Variants in FAM110B observed in about 807,000 individuals in gnomAD.
FAM110B encodes the protein protein FAM110B.
Under a neutral mutation model 20.4 loss-of-function variants are expected in FAM110B, and 6 were observed. The ratio of observed to expected loss-of-function variants is 0.29; its 90% CI spans 0.16 to 0.58. FAM110B has a LOEUF of 0.58. Among genes scored for constraint, FAM110B ranks in the 20% least tolerant of loss-of-function variants. The pLI is 0.90. For synonymous variants in FAM110B, 226 were observed against 214.1 expected (o/e 1.06, Z -0.49); for missense variants, 434 against 498.2 (o/e 0.87, Z 1.23).
chr8:58,021,972 G>T (rs963114113), intron 1 of FAM110B, among the ~76,000 whole-genome samples: 1 of 152,106 alleles, frequency 6.6e-6, no homozygotes, highest in African/African-American at 2.4e-5. Flanking sequence ...CATTCCACTT[G>T]CTGGGGAGCC....
At chr8:58,008,490 T>C (rs1423234563) in intron 1 of FAM110B, among the ~76,000 whole-genome samples, 3 of 152,202 alleles carry the variant, frequency 2.0e-5, no homozygotes, top group Non-Finnish European at 4.4e-5. Flanking sequence ...ATTCATGGTG[T>C]ACAGCTTGGT....
chr8:58,028,918 C>T (rs767661769), intron 1 of FAM110B, among the ~76,000 whole-genome samples: 8 of 152,216 alleles, frequency 5.3e-5, no homozygotes, highest in Non-Finnish European at 1.2e-4. Context: ...CAGTTACACT[C>T]TCATCCCATG....
intron 3 of FAM110B, among the ~76,000 whole-genome samples, chr8:58,116,671 A>G (rs1807221582): frequency 6.6e-6 from 1 of 152,338 alleles, no homozygotes; most frequent in East Asian, 1.9e-4. Context: ...GAATAAGCCT[A>G]TTTTGAAGTT....
chr8:58,003,245 G>A (rs879476182), intron 1 of FAM110B, among the ~76,000 whole-genome samples: 92 of 152,108 alleles, frequency 6.0e-4, no homozygotes, highest in Middle Eastern at 6.3e-3. Context: ...TTCAGGCTCC[G>A]CTTGTAACTC....
chr8:58,012,318 T>C (rs1239330976), intron 1 of FAM110B, among the ~76,000 whole-genome samples: 1 of 152,164 alleles, frequency 6.6e-6, no homozygotes, highest in Non-Finnish European at 1.5e-5. Flanking sequence ...GGGTTTAAGA[T>C]AAAACTAAAG....
chr8:58,087,534 A>G (rs965694216), intron 3 of FAM110B, among the ~76,000 whole-genome samples: 1 of 152,238 alleles, frequency 6.6e-6, no homozygotes, highest in Non-Finnish European at 1.5e-5. Flanking sequence ...TGGAAAAGCC[A>G]GGATACAAGC....
intron 3 of FAM110B, among the ~76,000 whole-genome samples, chr8:58,144,923 G>A (rs1353641098): frequency 6.6e-6 from 1 of 152,168 alleles, no homozygotes; most frequent in East Asian, 1.9e-4. Context: ...TTGACAAGTG[G>A]GTTTTATTGT....
At chr8:58,058,833 A>G (rs1455358189) in intron 2 of FAM110B, among the ~76,000 whole-genome samples, 1 of 152,166 alleles carries the variant, frequency 6.6e-6, no homozygotes, top group African/African-American at 2.4e-5. Flanking sequence ...TTTGAGGTAA[A>G]ATTTGTCAAT....
rs75931769 is a variant in FAM110B at position 58,109,218 on chromosome 8, A to G, written c.-325+33595A>G. 2.0e-3 allele frequency among the ~76,000 whole-genome samples: 310 copies of G among 152,302 alleles called. 2 individuals are homozygous for G. In the East Asian group the frequency reaches 0.05, roughly 24 times the overall value. ...CCATACTTGGCCCACAGCCCTTGTTACATAAATGTTTATCTTGCAGGACCA... is the reference window on the plus strand; with the variant it reads ...CCATACTTGGCCCACAGCCCTTGTTGCATAAATGTTTATCTTGCAGGACCA... On this transcript the variant is annotated intron_variant, in intron 3 of 3. Transcript: ENST00000519262.
Position 58,101,303 on chromosome 8 carries a change from G to C in FAM110B, c.-325+25680G>C, listed in dbSNP as rs568152451. Among the ~76,000 whole-genome samples, 79 of 152,274 alleles carry C rather than the reference G, an allele frequency of 5.2e-4. 1 individual carries two copies. Among genetic ancestry groups the C allele is most frequent in the African/African-American group, 1.7e-3 (72 of 41,544 alleles). On this transcript the variant is annotated intron_variant, in intron 3 of 3. Coordinates refer to ENST00000519262, the MANE Select transcript of FAM110B (RefSeq NM_001377989.1). ...AATATAGTACAAATCAAACACAATT[G>C]GTGTGAGTGCATTTAATAAATGAAG...
chr8:58,035,008 G>A (rs775478464), intron 2 of FAM110B, among the ~76,000 whole-genome samples: 1 of 152,132 alleles, frequency 6.6e-6, no homozygotes, highest in Non-Finnish European at 1.5e-5. Flanking sequence ...GGTCACAAAG[G>A]CTCATTCATA....
At chr8:58,093,418 AT>A (rs1471866676) in intron 3 of FAM110B, among the ~76,000 whole-genome samples, 3 of 152,056 alleles carry the variant, frequency 2.0e-5, no homozygotes, top group Non-Finnish European at 2.9e-5. Flanking sequence ...TCTTGAGTTA[AT>A]TTTTTATAAG....
At chr8:58,101,171 C>T (rs942556477) in intron 3 of FAM110B, among the ~76,000 whole-genome samples, 8 of 148,628 alleles carry the variant, frequency 5.4e-5, no homozygotes, top group East Asian at 2.0e-4. Flanking sequence ...AGTGAGACTC[C>T]GTCTCAAAAA....
At chr8:58,098,280 G>A (rs766103541) in intron 3 of FAM110B, among the ~76,000 whole-genome samples, 27 of 152,210 alleles carry the variant, frequency 1.8e-4, no homozygotes, top group Admixed American at 3.9e-4. Flanking sequence ...TGGCTACAGC[G>A]GCTTTCTCTG....
At chr8:58,099,070 G>A (rs1806712308) in intron 3 of FAM110B, 1 of 152,146 alleles carries the variant, frequency 6.6e-6, no homozygotes, top group Non-Finnish European at 1.5e-5. Context: ...GTTGATAGGA[G>A]GTTTTGTAGG....
intron 2 of FAM110B, among the ~76,000 whole-genome samples, chr8:58,071,388 C>G (rs1191982024): frequency 6.6e-6 from 1 of 152,180 alleles, no homozygotes; most frequent in Non-Finnish European, 1.5e-5. Flanking sequence ...TATTGAGTCA[C>G]CAGTCACACG....
intron 2 of FAM110B, among the ~76,000 whole-genome samples, chr8:58,063,940 G>A (rs1805709225): frequency 6.6e-6 from 1 of 152,182 alleles, no homozygotes; most frequent in African/African-American, 2.4e-5. Context: ...ATTGGCTCAT[G>A]GTTCTGCGGG....
rs1209007100 is a variant in FAM110B, at chr8:58,146,552, G to A, written c.322G>A (p.Glu108Lys). ...LKVFGNHAKT[E>K]SGVQRENLKL... ...AGTGTTCGGCAACCACGCCAAGACC[G>A]AGAGCGGCGTGCAGAGGGAGAACCT... The change falls in exon 4 of 4, where the codon GAG becomes AAG. Residue 108 changes from glutamate (E) to lysine (K), a missense_variant. Physicochemically the swap from Glu to Lys is moderately conservative, Grantham distance 56. Transcript: ENST00000519262. 3.1e-6 allele frequency: 5 copies of A among 1,613,854 alleles called. No individual in the cohort carries two copies. Among genetic ancestry groups the A allele is most frequent in the East Asian group, 2.2e-5 (1 of 44,876 alleles).
At position 58,137,687 on chromosome 8, in the gene FAM110B, T is replaced by C. The variant is rs79733194; in HGVS notation, c.-324-8220T>C. On this transcript the variant is annotated intron_variant, in intron 3 of 3. Coordinates refer to ENST00000519262, the MANE Select transcript of FAM110B (RefSeq NM_001377989.1). ...GTGTAGGAATCATGGTTATCAATGTTCCATAAATGAGGAAACTCAGGTACA... is the reference window on the plus strand; with the variant it reads ...GTGTAGGAATCATGGTTATCAATGTCCCATAAATGAGGAAACTCAGGTACA... Among the ~76,000 whole-genome samples the C allele has an allele frequency of 3.2e-3, 481 of 152,266 alleles. 4 individuals are homozygous for C. Among genetic ancestry groups the C allele is most frequent in the African/African-American group, 0.011 (450 of 41,556 alleles).
Sources: gnomAD v4.1 joint callset for allele counts (sites outside exome capture counted in the v4.1 genomes callset) on GRCh38, gnomAD v4.1.1 for gene constraint, MANE v1.5 for transcripts, NCBI Gene and HGNC (gene_info 2026-07-23, HGNC 2026-07-21) for gene names.